The following SLC36A1 variants were observed in gnomAD, a reference collection of about 807,000 sequenced individuals.
SLC36A1 encodes the protein solute carrier family 36 member 1.
SLC36A1 carries 30 observed loss-of-function variants against 47.5 expected under a neutral mutation model. That is an observed-to-expected ratio of 0.63 (90% confidence interval 0.47 to 0.86). The LOEUF (loss-of-function observed/expected upper bound fraction) is 0.86. Ranked by LOEUF, SLC36A1 falls within the 40% of genes least tolerant of loss-of-function variation. The probability of loss-of-function intolerance (pLI) is 0.00; values close to 1 mark genes in which losing one functional copy is unlikely to be tolerated. For missense variants in SLC36A1, 517 were observed against 606.0 expected, an observed-to-expected ratio of 0.85 and a Z score of 1.54; for synonymous variants, 255 against 249.7, an observed-to-expected ratio of 1.02 and a Z score of -0.20.
the SLC36A1 span, among the ~76,000 whole-genome samples, chr5:151,549,121 C>G: frequency 6.6e-6 from 1 of 152,168 alleles, no homozygotes; most frequent in Non-Finnish European, 1.5e-5. Context: ...TATGTTATTA[C>G]TACCTTTGGA....
At chr5:151,401,681 A>G in the SLC36A1 span, among the ~76,000 whole-genome samples, 2 of 152,092 alleles carry the variant, frequency 1.3e-5, no homozygotes, top group South Asian at 2.1e-4. Context: ...TGTGTCATTT[A>G]TGATTTCTTT....
rs764286346 is a variant in SLC36A1, at chr5:151,458,963, T to G, written c.143+28T>G. On this transcript the variant is annotated intron_variant, in intron 2 of 10. Transcript: ENST00000243389. ...GAGTAGCTGTTACCTTCTCCTCTCCTGGGTGGGATTCGTGTTCCTAAGCCT... is the reference window on the plus strand; with the variant it reads ...GAGTAGCTGTTACCTTCTCCTCTCCGGGGTGGGATTCGTGTTCCTAAGCCT... The G allele has an allele frequency of 2.5e-6, 4 of 1,585,032 alleles. No individual in the cohort carries two copies. In the East Asian group the frequency reaches 9.0e-5, roughly 36 times the overall value.
chr5:151,462,697 A>G (rs144956559), intron 2 of SLC36A1, among the ~76,000 whole-genome samples: 263 of 151,252 alleles, frequency 1.7e-3, no homozygotes, highest in African/African-American at 6.0e-3. Flanking sequence ...TAAATGTATC[A>G]GGGACTTCTG....
intron 5 of SLC36A1, 103 bp downstream of exon 5, chr5:151,465,272 G>C: frequency 1.1e-6 from 1 of 901,388 alleles, no homozygotes; most frequent in Admixed American, 1.9e-5. Context: ...AAAGAGTGCT[G>C]TTTGGGTCAG....
the SLC36A1 span, among the ~76,000 whole-genome samples, chr5:151,349,641 G>A: frequency 2.6e-5 from 4 of 152,278 alleles, no homozygotes; most frequent in African/African-American, 9.6e-5. Flanking sequence ...CTTGGGTGGG[G>A]CAGGCAACTG....
the SLC36A1 span, among the ~76,000 whole-genome samples, chr5:151,421,208 CCTTCCTT>C: frequency 1.7e-4 from 25 of 147,550 alleles, no homozygotes; most frequent in African/African-American, 6.0e-4. Flanking sequence ...TTCCTTCCTT[CCTTCCTT>C]CCTCCCTTTC....
chr5:151,395,212 C>T, the SLC36A1 span, among the ~76,000 whole-genome samples: 8 of 152,322 alleles, frequency 5.3e-5, no homozygotes, highest in South Asian at 2.1e-4. Context: ...AGCCAGGCGC[C>T]GGATATAATC....
At chr5:151,356,093 C>T in the SLC36A1 span, among the ~76,000 whole-genome samples, 1 of 151,986 alleles carries the variant, frequency 6.6e-6, no homozygotes, top group African/African-American at 2.4e-5. Context: ...GATCCCAGAA[C>T]TTTGGGAGGC....
the SLC36A1 span, among the ~76,000 whole-genome samples, chr5:151,408,959 G>T: frequency 6.6e-6 from 1 of 151,506 alleles, no homozygotes; most frequent in Non-Finnish European, 1.5e-5. Flanking sequence ...GGAGTGAAAC[G>T]TGGTGAGGGT....
chr5:151,517,469 C>T, the SLC36A1 span: 1 of 945,926 alleles, frequency 1.1e-6, no homozygotes, highest in Non-Finnish European at 1.6e-6. Context: ...ACAGGATAAT[C>T]ATGTGGCCCA....
At chr5:151,354,998 G>A in the SLC36A1 span, among the ~76,000 whole-genome samples, 1 of 152,146 alleles carries the variant, frequency 6.6e-6, no homozygotes, top group South Asian at 2.1e-4. Context: ...TAATGCAAGG[G>A]AGACCATGGT....
chr5:151,398,700 T>C, the SLC36A1 span, among the ~76,000 whole-genome samples: 1 of 152,162 alleles, frequency 6.6e-6, no homozygotes, highest in South Asian at 2.1e-4. Flanking sequence ...AAAGGAAAAC[T>C]GTTTAAAAAG....
chr5:151,393,546 G>A, the SLC36A1 span, among the ~76,000 whole-genome samples: 7,970 of 152,216 alleles, frequency 0.052, 664 homozygotes, highest in African/African-American at 0.18. Context: ...GGTACCAGTT[G>A]TTCCTTTCCA....
the SLC36A1 span, among the ~76,000 whole-genome samples, chr5:151,360,345 A>G: frequency 6.6e-6 from 1 of 152,258 alleles, no homozygotes; most frequent in Non-Finnish European, 1.5e-5. Context: ...CTGTATTCTT[A>G]TAATAAAGTG....
the SLC36A1 span, chr5:151,511,634 T>C: frequency 6.3e-6 from 1 of 159,606 alleles, no homozygotes; most frequent in African/African-American, 2.4e-5. Context: ...GAGCCACAGT[T>C]AGAAGCAATT....
chr5:151,468,267 ATAT>A (rs1174297659), intron 7 of SLC36A1, among the ~76,000 whole-genome samples: 666 of 50,736 alleles, frequency 0.013, 23 homozygotes, highest in African/African-American at 0.072. Context: ...AAAAAAAAAA[ATAT>A]ATATATATAT....
the SLC36A1 span, among the ~76,000 whole-genome samples, chr5:151,363,045 CTGTCTT>C: frequency 6.7e-6 from 1 of 149,348 alleles, no homozygotes; most frequent in East Asian, 2.1e-4. Flanking sequence ...TCAGTCTTCT[CTGTCTT>C]TGTTTTAGTT....
At chr5:151,378,268 T>C in the SLC36A1 span, 31 of 219,286 alleles carry the variant, frequency 1.4e-4, no homozygotes, top group East Asian at 3.2e-3. Context: ...CCCAACAGAC[T>C]GTGAACTGCT....
At chr5:151,524,234 A>G in the SLC36A1 span, among the ~76,000 whole-genome samples, 1 of 152,196 alleles carries the variant, frequency 6.6e-6, no homozygotes, top group Non-Finnish European at 1.5e-5. Flanking sequence ...TATACTTAGA[A>G]GATTGGATGC....
Sources: gnomAD v4.1 joint callset for allele counts (sites outside exome capture counted in the v4.1 genomes callset) on GRCh38, gnomAD v4.1.1 for gene constraint, MANE v1.5 for transcripts, NCBI Gene and HGNC (gene_info 2026-07-23, HGNC 2026-07-21) for gene names.